The following TRAPPC12 variants were observed in gnomAD, a reference collection of about 807,000 sequenced individuals.
The protein encoded by TRAPPC12 is trafficking protein particle complex subunit 12, also known as TPR repeat protein 15.
TRAPPC12 carries 61 observed loss-of-function variants against 69.2 expected under a neutral mutation model. That is an observed-to-expected ratio of 0.88 (90% CI 0.72 to 1.09). The LOEUF is 1.09. Ranked by LOEUF, TRAPPC12 falls within the 50% of genes least tolerant of loss-of-function variation. The pLI is 0.00. For missense variants in TRAPPC12, 1,101 were observed against 1,016.4 expected, an observed-to-expected ratio of 1.08 and a Z score of -1.13; for synonymous variants, 469 against 438.9, an observed-to-expected ratio of 1.07 and a Z score of -0.86.
intron 3 of TRAPPC12, among the ~76,000 whole-genome samples, chr2:3,409,232 G>A (rs986448126): frequency 6.6e-6 from 1 of 152,204 alleles, no homozygotes; most frequent in African/African-American, 2.4e-5. Context: ...ACCTCAGCGA[G>A]GAGAGACAGT....
intron 7 of TRAPPC12, chr2:3,458,077 C>T (rs530821053): frequency 7.7e-4 from 557 of 722,358 alleles, no homozygotes; most frequent in Non-Finnish European, 8.0e-4. Context: ...GCCTCTGCGT[C>T]GGGGACAGAG....
intron 1 of TRAPPC12, among the ~76,000 whole-genome samples, chr2:3,383,396 T>TCCCCCCCCCCCCCCCCCC (rs1046127086): frequency 6.7e-6 from 1 of 150,116 alleles, no homozygotes; most frequent in African/African-American, 2.5e-5. Context: ...TAATTTTTGA[T>TCCCCCCCCCCCCCCCCCC]CCCCCACCCC....
chr2:3,388,391 C>T lies in TRAPPC12; in HGVS notation c.768C>T (p.Thr256=), dbSNP rs1325423911. 1 of 1,603,230 alleles carries T rather than the reference C, an allele frequency of 6.2e-7. No homozygotes were observed. The highest frequency in any genetic ancestry group is 8.5e-7 in the Non-Finnish European group (1 of 1,174,874). ...CGCCTCCCCTCGCTGTGCCCGGGAC[C>T]GAGGGGCGCCCCGAACCCGTGGCCA... The part of the protein sequence containing the change: ...ASPPPLAVPG[T]EGRPEPVAMR... The change falls in exon 2 of 12, where the codon ACC becomes ACT. Residue 256 remains threonine, a synonymous_variant. Transcript: ENST00000324266.
At chr2:3,431,388 C>T (rs369062941) in intron 5 of TRAPPC12, among the ~76,000 whole-genome samples, 2 of 152,218 alleles carry the variant, frequency 1.3e-5, no homozygotes, top group Admixed American at 6.5e-5. Flanking sequence ...GCCCAGAGGG[C>T]GGCAGGGTCG....
At chr2:3,395,670 C>G (rs530916536) in intron 2 of TRAPPC12, among the ~76,000 whole-genome samples, 1 of 146,318 alleles carries the variant, frequency 6.8e-6, no homozygotes, top group Non-Finnish European at 1.5e-5. Flanking sequence ...TTAAGTGATT[C>G]TCATGCCTCA....
chr2:3,445,547 TTA>T (rs1664460647), intron 6 of TRAPPC12, among the ~76,000 whole-genome samples: 1 of 152,236 alleles, frequency 6.6e-6, no homozygotes, highest in African/African-American at 2.4e-5. Context: ...GTTGCATTCA[TTA>T]TGAGGCAGCC....
At chr2:3,452,286 G>A (rs1028409675) in intron 6 of TRAPPC12, among the ~76,000 whole-genome samples, 3 of 152,192 alleles carry the variant, frequency 2.0e-5, no homozygotes, top group Admixed American at 2.0e-4. Context: ...AGAGAGGGAG[G>A]GAGGAGGAGG....
At chr2:3,450,163 G>A (rs1179957576) in intron 6 of TRAPPC12, among the ~76,000 whole-genome samples, 3 of 152,140 alleles carry the variant, frequency 2.0e-5, no homozygotes, top group Admixed American at 6.5e-5. Flanking sequence ...GTGGCAACCC[G>A]ATTCAAAACC....
intron 6 of TRAPPC12, among the ~76,000 whole-genome samples, chr2:3,444,265 G>A (rs898747156): frequency 2.6e-5 from 4 of 152,224 alleles, no homozygotes; most frequent in African/African-American, 4.8e-5. Context: ...CAGAGGTACC[G>A]GAGCAGTACT....
chr2:3,400,877 T>C (rs926416110), intron 2 of TRAPPC12, among the ~76,000 whole-genome samples: 10 of 152,332 alleles, frequency 6.6e-5, no homozygotes, highest in African/African-American at 2.4e-4. Flanking sequence ...GTGAGATTGC[T>C]CCCTGCTCAG....
At chr2:3,452,728 T>C (rs1239026513) in intron 6 of TRAPPC12, among the ~76,000 whole-genome samples, 2 of 152,324 alleles carry the variant, frequency 1.3e-5, no homozygotes, top group Non-Finnish European at 1.5e-5. Context: ...TAATATTTAA[T>C]AGTCAGTGCA....
chr2:3,394,544 C>A (rs1052444196), intron 2 of TRAPPC12, among the ~76,000 whole-genome samples: 7 of 152,016 alleles, frequency 4.6e-5, no homozygotes, highest in Non-Finnish European at 8.8e-5. Context: ...TCACGTGAAC[C>A]CAGGAAGCAG....
intron 1 of TRAPPC12, among the ~76,000 whole-genome samples, chr2:3,385,105 TTATAA>T (rs1258929533): frequency 6.6e-6 from 1 of 152,172 alleles, no homozygotes; most frequent in Non-Finnish European, 1.5e-5. Flanking sequence ...AGATGTAGCT[TTATAA>T]TATATGTATG....
At chr2:3,442,822 C>T (rs1205204825) in intron 5 of TRAPPC12, among the ~76,000 whole-genome samples, 7 of 152,176 alleles carry the variant, frequency 4.6e-5, no homozygotes, top group Admixed American at 3.3e-4. Context: ...AGAAGTCATA[C>T]GCGTGTTTTC....
At chr2:3,424,333 A>G (rs1459159250) in intron 4 of TRAPPC12, among the ~76,000 whole-genome samples, 192 bp from the exon 5 acceptor site, 3 of 152,248 alleles carry the variant, frequency 2.0e-5, no homozygotes, top group Non-Finnish European at 4.4e-5. Flanking sequence ...AACTGCAGGC[A>G]TGAGGCATCA....
At chr2:3,396,241 T>G (rs1391472050) in intron 2 of TRAPPC12, among the ~76,000 whole-genome samples, 1 of 89,938 alleles carries the variant, frequency 1.1e-5, no homozygotes, top group East Asian at 2.4e-4. Context: ...GTTGACAGGT[T>G]TTTTTTTTTT....
intron 5 of TRAPPC12, among the ~76,000 whole-genome samples, chr2:3,428,919 A>G (rs901786842): frequency 6.6e-6 from 1 of 151,564 alleles, no homozygotes; most frequent in Non-Finnish European, 1.5e-5. Context: ...TTGCTCCTCA[A>G]TCTCCACCCC....
At chr2:3,437,162 T>A (rs1663857554) in intron 5 of TRAPPC12, among the ~76,000 whole-genome samples, 1 of 6,252 alleles carries the variant, frequency 1.6e-4, no homozygotes, top group Admixed American at 1.4e-3. Context: ...CCATCACCCC[T>A]GAATTAATCC....
intron 2 of TRAPPC12, among the ~76,000 whole-genome samples, chr2:3,398,432 G>A (rs762622752): frequency 2.0e-5 from 3 of 152,160 alleles, no homozygotes; most frequent in Non-Finnish European, 4.4e-5. Context: ...CCTGGAGTAA[G>A]CAAACACTGG....
Sources: allele counts gnomAD v4.1 joint callset (sites outside exome capture counted in the v4.1 genomes callset), GRCh38; gene constraint gnomAD v4.1.1; transcripts MANE v1.5; gene names NCBI Gene and HGNC (gene_info 2026-07-23, HGNC 2026-07-21).